The following NCAM2 variants were observed in gnomAD, a reference collection of about 807,000 sequenced individuals.
NCAM2 encodes N-CAM-2.
Under a neutral mutation model 98.1 loss-of-function variants are expected in NCAM2, and 30 were observed. That is an observed-to-expected ratio of 0.31 (90% confidence interval 0.23 to 0.41). The LOEUF is 0.41. NCAM2 is among the 10% of genes least tolerant of loss of function. The probability of loss-of-function intolerance (pLI) is 1.00; values close to 1 mark genes in which losing one functional copy is unlikely to be tolerated. For synonymous variants in NCAM2, 368 were observed against 342.4 expected (o/e 1.07, Z -0.83); for missense variants, 867 against 1,005.8 (o/e 0.86, Z 1.87).
chr21:21,519,572 G>T (rs1988900211), intron 16 of NCAM2, among the ~76,000 whole-genome samples: 1 of 18,600 alleles, frequency 5.4e-5, no homozygotes, highest in Admixed American at 8.0e-4. Context: ...CCTGTTATTT[G>T]TTAATTTGTC....
intron 15 of NCAM2, among the ~76,000 whole-genome samples, chr21:21,499,566 T>C (rs1044617229): frequency 4.0e-5 from 6 of 151,736 alleles, no homozygotes; most frequent in Non-Finnish European, 7.4e-5. Flanking sequence ...TAAAACAAAA[T>C]GTTTGTACTT....
intron 16 of NCAM2, among the ~76,000 whole-genome samples, chr21:21,522,392 G>A (rs1300533108): frequency 2.7e-5 from 4 of 150,512 alleles, no homozygotes; most frequent in Non-Finnish European, 5.9e-5. Flanking sequence ...GGAAAAATAA[G>A]TTTTACATCT....
chr21:21,442,473 C>G lies in NCAM2; in HGVS notation c.1654+10192C>G, dbSNP rs539212187. On this transcript the variant is annotated intron_variant, in intron 12 of 17. Transcript: ENST00000400546. ...CCAAGATGGGAAAAACTAGGTGCAT[C>G]TTGTTTGGTGAGTGGAAATCAGCCT... 5.3e-5 allele frequency among the ~76,000 whole-genome samples: 8 copies of G among 152,248 alleles called. No homozygotes were observed. The East Asian group carries it at 1.5e-3, about 29-fold the overall frequency.
At chr21:21,185,891 T>G (rs1461036380) in intron 1 of NCAM2, among the ~76,000 whole-genome samples, 1 of 152,158 alleles carries the variant, frequency 6.6e-6, no homozygotes, top group African/African-American at 2.4e-5. Flanking sequence ...ATAGTTCCAT[T>G]AATATACAAT....
At chr21:21,385,559 A>G (rs1420301743) in intron 9 of NCAM2, 2 of 984,378 alleles carry the variant, frequency 2.0e-6, no homozygotes, top group Non-Finnish European at 2.8e-6. Context: ...TTAAGGTGTT[A>G]GAAAATTAAG....
intron 1 of NCAM2, among the ~76,000 whole-genome samples, chr21:21,164,247 C>A (rs1225961854): frequency 6.6e-6 from 1 of 152,072 alleles, no homozygotes; most frequent in East Asian, 1.9e-4. Context: ...ATGGAATTTT[C>A]TGTATTTTTA....
At chr21:21,255,967 G>T (rs576578177) in intron 1 of NCAM2, among the ~76,000 whole-genome samples, 1 of 152,154 alleles carries the variant, frequency 6.6e-6, no homozygotes, top group Admixed American at 6.5e-5. Context: ...CCTCCTTAGT[G>T]TAAGTCCATG....
intron 1 of NCAM2, chr21:21,210,677 C>G: frequency 7.9e-7 from 1 of 1,268,870 alleles, no homozygotes; most frequent in Non-Finnish European, 1.0e-6. Context: ...CAACCAGAGA[C>G]TTATTACAGG....
chr21:21,514,479 A>C (rs75616327), intron 16 of NCAM2, among the ~76,000 whole-genome samples: 8 of 41,416 alleles, frequency 1.9e-4, no homozygotes, highest in Non-Finnish European at 3.0e-4. Flanking sequence ...AAACAAAAAA[A>C]AAAAAAAAAA....
chr21:21,292,157 A>G lies in NCAM2; in HGVS notation c.535A>G (p.Ser179Gly), dbSNP rs1225780459. The stretch of plus-strand genomic sequence containing the variant: ...CCTGCAGATTCTCAACATCAATAAA[A>G]GTGATGAAGGTATATACAGATGTGA... The part of the protein sequence containing the change: ...NNLQILNINK[S>G]DEGIYRCEGR... Residue 179 changes from serine to glycine, a missense_variant, in exon 5 of 18, where the codon AGT becomes GGT. Coordinates refer to ENST00000400546, the MANE Select transcript of NCAM2 (RefSeq NM_004540.5). The G allele has an allele frequency of 1.9e-6, 3 of 1,611,044 alleles. No individual in the cohort carries two copies. Among genetic ancestry groups the G allele is most frequent in the Non-Finnish European group, 1.7e-6 (2 of 1,178,338 alleles).
chr21:21,524,181 AG>A (rs762097044), intron 16 of NCAM2, among the ~76,000 whole-genome samples: 28 of 152,144 alleles, frequency 1.8e-4, no homozygotes, highest in Non-Finnish European at 3.1e-4. Context: ...CTTCAGAGCA[AG>A]GAAAGTTATC....
chr21:21,162,839 C>T (rs893878688), intron 1 of NCAM2, among the ~76,000 whole-genome samples: 4 of 152,100 alleles, frequency 2.6e-5, no homozygotes, highest in South Asian at 2.1e-4. Context: ...AGCACTGATC[C>T]GAAATATATC....
intron 4 of NCAM2, among the ~76,000 whole-genome samples, chr21:21,287,851 C>T (rs1358547975): frequency 6.6e-6 from 1 of 151,794 alleles, no homozygotes; most frequent in African/African-American, 2.4e-5. Context: ...AAGCTTTGAA[C>T]ATCTTTTCTA....
chr21:21,155,504 A>G (rs1255542822), intron 1 of NCAM2, among the ~76,000 whole-genome samples: 2 of 151,780 alleles, frequency 1.3e-5, no homozygotes, highest in African/African-American at 4.8e-5. Context: ...ATTATTCATC[A>G]CATCACTATG....
intron 16 of NCAM2, among the ~76,000 whole-genome samples, chr21:21,531,748 T>G (rs1313736422): frequency 6.6e-6 from 1 of 151,094 alleles, no homozygotes; most frequent in African/African-American, 2.4e-5. Flanking sequence ...TGGTATTACT[T>G]AATATAACTT....
At chr21:21,120,833 C>G (rs1227447988) in intron 1 of NCAM2, among the ~76,000 whole-genome samples, 2 of 151,714 alleles carry the variant, frequency 1.3e-5, no homozygotes, top group Non-Finnish European at 2.9e-5. Context: ...ATTCTCCTGC[C>G]TCAGCCTCCC....
chr21:21,150,806 T>G lies in NCAM2; in HGVS notation c.56-129772T>G, dbSNP rs185780982. 8.6e-5 allele frequency among the ~76,000 whole-genome samples: 13 copies of G among 151,992 alleles called. No individual in the cohort carries two copies. In the East Asian group the frequency reaches 2.5e-3, roughly 29 times the overall value. ...TGCATTTGGTATAAAGATAATGATA[T>G]TTTTATAAAATTAATTGGGAAGTGT... On this transcript the variant is annotated intron_variant, in intron 1 of 17. Coordinates refer to ENST00000400546, the MANE Select transcript of NCAM2 (RefSeq NM_004540.5).
At chr21:21,188,636 G>A (rs2068717524) in intron 1 of NCAM2, among the ~76,000 whole-genome samples, 1 of 152,000 alleles carries the variant, frequency 6.6e-6, no homozygotes, top group African/African-American at 2.4e-5. Context: ...TTTCATAGGG[G>A]CCCTTGGATT....
chr21:21,260,463 A>G (rs1046258150), intron 1 of NCAM2, among the ~76,000 whole-genome samples: 2 of 152,062 alleles, frequency 1.3e-5, no homozygotes, highest in African/African-American at 4.8e-5. Context: ...AAAAGTTACA[A>G]ATTACCTATG....
Sources: gnomAD v4.1 joint callset for allele counts (sites outside exome capture counted in the v4.1 genomes callset) on GRCh38, gnomAD v4.1.1 for gene constraint, MANE v1.5 for transcripts, NCBI Gene and HGNC (gene_info 2026-07-23, HGNC 2026-07-21) for gene names.